The following SLC17A6 variants were observed in gnomAD, a reference collection of about 807,000 sequenced individuals.
SLC17A6 encodes vesicular glutamate transporter 2.
SLC17A6 carries 35 observed loss-of-function variants against 67.1 expected under a neutral mutation model. That is an observed-to-expected ratio of 0.52 (90% CI 0.40 to 0.69). The LOEUF is 0.69. Ranked by LOEUF, SLC17A6 falls within the 30% of genes least tolerant of loss-of-function variation. The pLI, the probability that SLC17A6 is intolerant of heterozygous loss-of-function variation, is 0.00. For missense variants in SLC17A6, 588 were observed against 723.9 expected, an observed-to-expected ratio of 0.81 and a Z score of 2.15; for synonymous variants, 285 against 252.3, an observed-to-expected ratio of 1.13 and a Z score of -1.23.
intron 4 of SLC17A6, 50 bp from the exon 5 acceptor site, chr11:22,360,847 G>C: frequency 1.3e-6 from 2 of 1,522,176 alleles, no homozygotes; most frequent in African/African-American, 1.4e-5. Flanking sequence ...ATACTAAAAA[G>C]ACTCTTGATC....
intron 7 of SLC17A6, among the ~76,000 whole-genome samples, chr11:22,366,859 A>C (rs1367540200): frequency 6.6e-6 from 1 of 151,600 alleles, no homozygotes. Flanking sequence ...CAAAAATATT[A>C]CCCGGGCCTG....
rs1360191790 is a variant in SLC17A6, at chr11:22,339,069, ATATATATGT to A, written c.86+458_86+466del. Reference sequence around the variant, plus strand: ...TTCCAAAGAGTAATGGTTTATATATATATATATGTTATATATATATGTTATATATATATG... The same window carrying A: ...TTCCAAAGAGTAATGGTTTATATATATATATATATATGTTATATATATATG... On this transcript the variant is annotated intron_variant, in intron 1 of 11. Transcript: ENST00000263160. 5.9e-3 allele frequency among the ~76,000 whole-genome samples: 724 copies of A among 123,030 alleles called. 21 individuals are homozygous for A. Among genetic ancestry groups the A allele is most frequent in the African/African-American group, 0.014 (491 of 35,374 alleles). The allele number at this position is 123,030 out of a possible 152,430, so 80.7% of individuals were successfully genotyped here. A position where few individuals can be genotyped will look rare whatever the true frequency, so the allele number is the denominator to read the frequency against.
intron 6 of SLC17A6, among the ~76,000 whole-genome samples, chr11:22,364,578 A>C (rs527709540): frequency 6.6e-6 from 1 of 152,238 alleles, no homozygotes; most frequent in African/African-American, 2.4e-5. Flanking sequence ...AATGTTCAGT[A>C]GTTAAAAGGA....
In SLC17A6 at chr11:22,378,048, A is replaced by G. The variant is rs1856251188; in HGVS notation, c.*308A>G. 2 of 363,570 alleles carry G rather than the reference A, an allele frequency of 5.5e-6. No homozygotes were observed. Among genetic ancestry groups the G allele is most frequent in the Non-Finnish European group, 9.8e-6 (2 of 203,586 alleles). 22.5% of individuals were successfully genotyped at this position (363,570 alleles called of 1,614,324 possible). On this transcript the variant is annotated 3_prime_UTR_variant, in exon 12 of 12. Coordinates refer to ENST00000263160, the MANE Select transcript of SLC17A6 (RefSeq NM_020346.3). ...GCTAAAACTCATCACTATTTACTAAAGCACAACATCTCATCCTACAAAAGT... is the reference window on the plus strand; with the variant it reads ...GCTAAAACTCATCACTATTTACTAAGGCACAACATCTCATCCTACAAAAGT...
rs1856090685 is a variant in SLC17A6 at position 22,364,768 on chromosome 11, A to G, written c.749-779A>G. 2.0e-5 allele frequency among the ~76,000 whole-genome samples: 3 copies of G among 152,264 alleles called. No individual in the cohort carries two copies. The South Asian group carries it at 6.2e-4, about 32-fold the overall frequency. On this transcript the variant is annotated intron_variant, in intron 6 of 11. Transcript: ENST00000263160. ...GGGAAATTAGAATAAATCACTTGAG[A>G]TTCTTGCTATTATTAATGCTTACAG...
rs989835780 is a variant in SLC17A6 at position 22,377,390 on chromosome 11, T to C, written c.1414-15T>C. On this transcript the variant is annotated splice_polypyrimidine_tract_variant and intron_variant, in intron 11 of 11. Transcript: ENST00000263160. ...GGGGAGTCAGTTCTCACAGTGCTGC[T>C]TTTTCTCACTGCAGTCACGTGAAGA... 8.2e-6 allele frequency: 13 copies of C among 1,586,164 alleles called. No individual in the cohort carries two copies. Among genetic ancestry groups the C allele is most frequent in the African/African-American group, 1.4e-5 (1 of 74,024 alleles).
At position 22,365,707 on chromosome 11, in the gene SLC17A6, G is replaced by C; in HGVS notation, c.891+18G>C. The C allele has an allele frequency of 6.2e-7, 1 of 1,610,530 alleles. No homozygotes were observed. Among genetic ancestry groups the C allele is most frequent in the Non-Finnish European group, 8.5e-7 (1 of 1,178,220 alleles). On this transcript the variant is annotated intron_variant, in intron 7 of 11. Coordinates refer to ENST00000263160, the MANE Select transcript of SLC17A6 (RefSeq NM_020346.3). ...CAATGGAAGTAAGAAATTTATTATGGTGTATATTCCTATCTTATTCCCATC... is the reference window on the plus strand; with the variant it reads ...CAATGGAAGTAAGAAATTTATTATGCTGTATATTCCTATCTTATTCCCATC...
chr11:22,346,798 T>C (rs1004503642), intron 3 of SLC17A6, among the ~76,000 whole-genome samples: 2 of 148,694 alleles, frequency 1.3e-5, no homozygotes, highest in Admixed American at 6.7e-5. Flanking sequence ...TTTAATGGCA[T>C]AAATAGCATA....
At chr11:22,370,978 A>G (rs1405991852) in intron 8 of SLC17A6, among the ~76,000 whole-genome samples, 1 of 152,114 alleles carries the variant, frequency 6.6e-6, no homozygotes, top group Non-Finnish European at 1.5e-5. Flanking sequence ...TTGTTGTTTG[A>G]CCTGTTGAAC....
intron 3 of SLC17A6, among the ~76,000 whole-genome samples, chr11:22,351,610 T>G (rs1191777558): frequency 1.3e-5 from 2 of 152,132 alleles, no homozygotes; most frequent in Non-Finnish European, 2.9e-5. Context: ...TTTCTCTTAT[T>G]AAATATTTTT....
At chr11:22,369,600 T>C (rs1042895735) in intron 7 of SLC17A6, among the ~76,000 whole-genome samples, 2 of 152,052 alleles carry the variant, frequency 1.3e-5, no homozygotes, top group African/African-American at 4.8e-5. Flanking sequence ...TTTGTATCTT[T>C]CTTTTCATGA....
At chr11:22,376,727 A>C in intron 11 of SLC17A6, 55 bp downstream of exon 11, 5 of 1,589,248 alleles carry the variant, frequency 3.1e-6, no homozygotes, top group Non-Finnish European at 4.3e-6. Context: ...CAAAATGATA[A>C]TCTTTTTGGA....
At chr11:22,365,817 G>T (rs1271215314) in intron 7 of SLC17A6, 128 bp downstream of exon 7, 3 of 974,302 alleles carry the variant, frequency 3.1e-6, no homozygotes, top group South Asian at 3.8e-5. Flanking sequence ...CTTTTATTTT[G>T]GTCCATCCAT....
Position 22,379,091 on chromosome 11 carries a change from T to C in SLC17A6, c.*1351T>C, listed in dbSNP as rs1214913783. On this transcript the variant is annotated 3_prime_UTR_variant, in exon 12 of 12. Transcript: ENST00000263160. ...CAATGCATAAAATTTCCTGTCTGTA[T>C]ATTACCTTCATTTTGCTTGTAGTAG... 6.6e-6 allele frequency: 1 copy of C among 152,574 alleles called. No homozygotes were observed. Among genetic ancestry groups the C allele is most frequent in the Admixed American group, 6.5e-5 (1 of 15,276 alleles). The allele number at this position is 152,574 out of a possible 1,614,324, so 9.5% of individuals were successfully genotyped here.
chr11:22,355,822 A>G (rs977713303), intron 3 of SLC17A6, among the ~76,000 whole-genome samples: 1 of 152,004 alleles, frequency 6.6e-6, no homozygotes, highest in Non-Finnish European at 1.5e-5. Context: ...CTTCTTTTTT[A>G]TATTAATCTT....
At chr11:22,359,573 G>A in intron 4 of SLC17A6, 46 bp downstream of exon 4, 1 of 1,197,430 alleles carries the variant, frequency 8.4e-7, no homozygotes, top group Non-Finnish European at 1.2e-6. Context: ...GCATTTGGTT[G>A]AGAACCACCA....
chr11:22,376,702 T>C, intron 11 of SLC17A6, 30 bp downstream of exon 11: 1 of 1,609,748 alleles, frequency 6.2e-7, no homozygotes, highest in Non-Finnish European at 8.5e-7. Context: ...TGTTTAGTCA[T>C]AGAAGACAGT....
chr11:22,362,613 C>T (rs1856065698), intron 5 of SLC17A6, 126 bp from the exon 6 acceptor site: 2 of 718,886 alleles, frequency 2.8e-6, no homozygotes, highest in Non-Finnish European at 2.5e-6. Flanking sequence ...AGGGTATGTG[C>T]ATGGGTGTGA....
intron 3 of SLC17A6, among the ~76,000 whole-genome samples, chr11:22,348,212 A>G (rs1564979617): frequency 6.6e-6 from 1 of 152,084 alleles, no homozygotes; most frequent in Non-Finnish European, 1.5e-5. Context: ...TCTCTCTGAT[A>G]CTATATGCTT....
Sources: gnomAD v4.1 joint callset for allele counts (sites outside exome capture counted in the v4.1 genomes callset) on GRCh38, gnomAD v4.1.1 for gene constraint, MANE v1.5 for transcripts, NCBI Gene and HGNC (gene_info 2026-07-23, HGNC 2026-07-21) for gene names.